GSE1: variants seen among roughly 807,000 people sequenced by gnomAD.
The protein encoded by GSE1 is genetic suppressor element 1.
GSE1 carries 32 observed loss-of-function variants against 112.6 expected under a neutral mutation model. That is an observed-to-expected ratio of 0.28 (90% CI 0.21 to 0.38). GSE1 has a LOEUF of 0.38. Among genes scored for constraint, GSE1 ranks in the 10% least tolerant of loss-of-function variants. The probability of loss-of-function intolerance (pLI) is 1.00; values close to 1 mark genes in which losing one functional copy is unlikely to be tolerated. For synonymous variants in GSE1, 1,115 were observed against 735.6 expected (o/e 1.52, Z -8.35); for missense variants, 2,348 against 1,699.2 (o/e 1.38, Z -6.71).
rs1324440753 is a variant in GSE1, at chr16:85,511,544, A to AT, written c.2465-122370_2465-122369insT. Among the ~76,000 whole-genome samples, 99 of 151,932 alleles carry AT rather than the reference A, an allele frequency of 6.5e-4. 1 individual carries two copies. The East Asian group carries it at 0.017, about 25-fold the overall frequency. On this transcript the variant is annotated intron_variant, in intron 2 of 2. Coordinates refer to the GSE1 transcript ENST00000637419. ...ACTCCATCTCAAAAAAAAAAAAAAA[A>AT]AGATGGCCTGGCAAATGATGCCCAG...
At chr16:85,258,207 C>T (rs1019153476) in intron 1 of GSE1, among the ~76,000 whole-genome samples, 2 of 152,188 alleles carry the variant, frequency 1.3e-5, no homozygotes, top group Non-Finnish European at 1.5e-5. Context: ...CTGAGAGTCC[C>T]CTGAAGCTCC....
rs80296975 is a variant in GSE1, at chr16:85,450,052, C to G, written c.2464+92409C>G. ...ACCACACAGCTGCACCCAGCTGTCC[C>G]CATGTAATGGGAACCCTGTTACCAT... On this transcript the variant is annotated intron_variant, in intron 2 of 2. Coordinates refer to the GSE1 transcript ENST00000637419. Among the ~76,000 whole-genome samples, 1,290 of 151,040 alleles carry G rather than the reference C, an allele frequency of 8.5e-3. 16 individuals are homozygous for G. Among genetic ancestry groups the G allele is most frequent in the African/African-American group, 0.03 (1,233 of 41,074 alleles).
intron 1 of GSE1, among the ~76,000 whole-genome samples, chr16:85,312,384 G>A (rs975895845): frequency 6.6e-6 from 1 of 152,140 alleles, no homozygotes; most frequent in Non-Finnish European, 1.5e-5. Context: ...TCCAAGGCTC[G>A]GGGACCCGTC....
intron 2 of GSE1, among the ~76,000 whole-genome samples, chr16:85,445,463 C>A (rs1272580494): frequency 6.6e-6 from 1 of 152,232 alleles, no homozygotes; most frequent in Non-Finnish European, 1.5e-5. Flanking sequence ...GTCCCCAGAC[C>A]CCTCACAGGT....
intron 1 of GSE1, among the ~76,000 whole-genome samples, chr16:85,244,938 C>G (rs1905471461): frequency 6.7e-6 from 1 of 150,314 alleles, no homozygotes; most frequent in Middle Eastern, 3.4e-3. Flanking sequence ...TTGCAGTGAG[C>G]TGAGATCGTG....
intron 2 of GSE1, among the ~76,000 whole-genome samples, chr16:85,525,246 C>T (rs564487290): frequency 7.7e-6 from 1 of 129,428 alleles, no homozygotes; most frequent in South Asian, 2.7e-4. Flanking sequence ...CTCTGGCTCA[C>T]TTGTCCCCCC....
chr16:85,402,929 A>C (rs62048540), intron 2 of GSE1, among the ~76,000 whole-genome samples: 2 of 148,950 alleles, frequency 1.3e-5, no homozygotes, highest in African/African-American at 4.9e-5. Flanking sequence ...AAAAAAAAAA[A>C]TTGCCCCAAA....
intron 2 of GSE1, among the ~76,000 whole-genome samples, chr16:85,453,981 C>T (rs1233130859): frequency 6.6e-6 from 1 of 152,126 alleles, no homozygotes; most frequent in East Asian, 1.9e-4. Context: ...CCTCATGCCC[C>T]AGGAAGGAGA....
chr16:85,332,332 A>ATT (rs2046392859), intron 1 of GSE1, among the ~76,000 whole-genome samples: 26 of 152,172 alleles, frequency 1.7e-4, no homozygotes, highest in Admixed American at 1.6e-3. Flanking sequence ...CGTCTCCATA[A>ATT]TCACACTAAG....
rs970607557 is a variant in GSE1 at position 85,311,255 on chromosome 16, C to A, written c.2284-46208C>A. 6.6e-6 allele frequency among the ~76,000 whole-genome samples: 1 copy of A among 152,206 alleles called. No homozygotes were observed. The highest frequency in any genetic ancestry group is 2.4e-5 in the African/African-American group (1 of 41,460). On this transcript the variant is annotated intron_variant, in intron 1 of 2. Transcript: ENST00000637419. The surrounding 1 kb of genome is among the most constrained non-coding windows in gnomAD (Gnocchi z 4.2). Reference sequence around the variant, plus strand: ...CTGATGTGGGCACAAAGGGGCAGAGCCTAGCCACGGAGAGAGGGTGTGCCA... The same window carrying A: ...CTGATGTGGGCACAAAGGGGCAGAGACTAGCCACGGAGAGAGGGTGTGCCA...
At chr16:85,541,009 C>T (rs1208333887) in intron 2 of GSE1, among the ~76,000 whole-genome samples, 2 of 151,560 alleles carry the variant, frequency 1.3e-5, no homozygotes, top group African/African-American at 2.4e-5. Flanking sequence ...GGTGGTGTGG[C>T]GGGGATGGGG....
intron 2 of GSE1, among the ~76,000 whole-genome samples, chr16:85,381,486 T>C (rs1264403488): frequency 6.6e-6 from 1 of 152,240 alleles, no homozygotes; most frequent in African/African-American, 2.4e-5. Flanking sequence ...AGAGGGGATC[T>C]GATAGGCCAC....
chr16:85,564,533 C>T (rs1016262596), intron 1 of GSE1, among the ~76,000 whole-genome samples: 2 of 152,080 alleles, frequency 1.3e-5, no homozygotes, highest in East Asian at 1.9e-4. Flanking sequence ...GGCCACAGAG[C>T]GGAGGTGACA....
At chr16:85,492,602 G>C (rs1302375775) in intron 2 of GSE1, among the ~76,000 whole-genome samples, 2 of 152,342 alleles carry the variant, frequency 1.3e-5, no homozygotes, top group East Asian at 3.9e-4. Context: ...AGGCCGAACA[G>C]CTTGTCTGAG....
intron 2 of GSE1, among the ~76,000 whole-genome samples, chr16:85,421,599 G>A (rs751066502): frequency 2.6e-5 from 4 of 152,168 alleles, no homozygotes; most frequent in African/African-American, 7.2e-5. Flanking sequence ...GCAGGTTTTC[G>A]GGGCTGCTGG....
At chr16:85,393,686 C>T (rs1467476188) in intron 2 of GSE1, among the ~76,000 whole-genome samples, 1 of 152,222 alleles carries the variant, frequency 6.6e-6, no homozygotes, top group Non-Finnish European at 1.5e-5. Context: ...GACCCCAAGG[C>T]AGGGGACCTG....
Position 85,446,908 on chromosome 16 carries a change from G to T in GSE1, c.2464+89265G>T, listed in dbSNP as rs115473667. ...CTGGCCTTCCGTTCCCTCTGCACGG[G>T]CACACCCTCCTCCTGCTCTGTGTGC... On this transcript the variant is annotated intron_variant, in intron 2 of 2. Transcript: ENST00000637419. Among the ~76,000 whole-genome samples, 758 of 152,198 alleles carry T rather than the reference G, an allele frequency of 5.0e-3. 8 individuals are homozygous for T. The highest frequency in any genetic ancestry group is 0.018 in the African/African-American group (728 of 41,522).
intron 3 of GSE1, among the ~76,000 whole-genome samples, chr16:85,651,247 C>G (rs897396181): frequency 6.6e-6 from 1 of 151,990 alleles, no homozygotes; most frequent in South Asian, 2.1e-4. Flanking sequence ...CCGAGCCTGC[C>G]GGGCCTTGCC....
chr16:85,393,802 C>T (rs1280175141), intron 2 of GSE1, among the ~76,000 whole-genome samples: 1 of 152,240 alleles, frequency 6.6e-6, no homozygotes, highest in Non-Finnish European at 1.5e-5. Context: ...CACTGCCCCC[C>T]AGCCTGGTGG....
Sources: allele counts gnomAD v4.1 joint callset (sites outside exome capture counted in the v4.1 genomes callset), GRCh38; gene constraint gnomAD v4.1.1; non-coding constraint Gnocchi (gnomAD v3.1); transcripts MANE v1.5; gene names NCBI Gene and HGNC (gene_info 2026-07-23, HGNC 2026-07-21).